The following PROKR1 variants were observed in gnomAD, a reference collection of about 807,000 sequenced individuals.
The protein encoded by PROKR1 is G protein-coupled receptor 73.
A neutral mutation model predicts 22.8 loss-of-function variants in PROKR1; 21 were observed. That is an observed-to-expected ratio of 0.92 (90% CI 0.65 to 1.32). The LOEUF (loss-of-function observed/expected upper bound fraction) is 1.32, where lower values mean the gene tolerates loss of function less well. Among genes scored for constraint, PROKR1 ranks in the 40% most tolerant of loss-of-function variants. PROKR1 has a pLI of 0.00. For synonymous variants in PROKR1, 193 were observed against 207.5 expected (o/e 0.93, Z 0.60); for missense variants, 548 against 514.2 (o/e 1.07, Z -0.64).
chr2:68,651,114 C>T (rs183793709), intron 2 of PROKR1, among the ~76,000 whole-genome samples: 1 of 152,224 alleles, frequency 6.6e-6, no homozygotes, highest in Admixed American at 6.5e-5. Flanking sequence ...GTAATCCTTG[C>T]ACTTTGGGAG....
intron 2 of PROKR1, among the ~76,000 whole-genome samples, chr2:68,650,623 G>T (rs565586001): frequency 1.3e-5 from 2 of 152,226 alleles, no homozygotes; most frequent in African/African-American, 4.8e-5. Flanking sequence ...AATTCACAGA[G>T]AGTAAAAGGT....
At chr2:68,653,220 T>C (rs1396901572) in intron 2 of PROKR1, among the ~76,000 whole-genome samples, 4 of 152,164 alleles carry the variant, frequency 2.6e-5, no homozygotes, top group Non-Finnish European at 5.9e-5. Context: ...TTCCCTTTTT[T>C]CCCTCTGGCA....
intron 2 of PROKR1, among the ~76,000 whole-genome samples, chr2:68,647,971 C>T (rs1455744349): frequency 2.0e-5 from 3 of 152,142 alleles, no homozygotes; most frequent in African/African-American, 7.2e-5. Flanking sequence ...TTCAAAGCTG[C>T]CAAGGAAGAG....
Position 68,654,973 on chromosome 2 carries a change from C to G in PROKR1, c.579C>G (p.Ile193Met). ...IALVWTVSIL[I>M]AIPSAYFTTE... is the part of the protein sequence containing the mutation. Reference sequence around the variant, plus strand: ...TGGTGTGGACGGTGTCCATCCTGATCGCCATCCCTTCCGCCTACTTCACCA... The same window carrying G: ...TGGTGTGGACGGTGTCCATCCTGATGGCCATCCCTTCCGCCTACTTCACCA... The change falls in exon 3 of 3, where the codon ATC becomes ATG. Residue 193 changes from isoleucine to methionine, a missense_variant. Coordinates refer to ENST00000303786, the MANE Select transcript of PROKR1 (RefSeq NM_138964.4). 6.2e-7 allele frequency: 1 copy of G among 1,613,568 alleles called. No homozygotes were observed. Among genetic ancestry groups the G allele is most frequent in the Non-Finnish European group, 8.5e-7 (1 of 1,179,976 alleles).
At chr2:68,645,226 A>T (rs1215232995) in intron 1 of PROKR1, among the ~76,000 whole-genome samples, 1 of 152,216 alleles carries the variant, frequency 6.6e-6, no homozygotes, top group East Asian at 1.9e-4. Flanking sequence ...GGGAACAGGA[A>T]GTCCAGCAAA....
At position 68,655,567 on chromosome 2, in the gene PROKR1, A is replaced by T. The variant is rs1673437314; in HGVS notation, c.1173A>T (p.Arg391Ser). The T allele has an allele frequency of 6.2e-7, 1 of 1,613,936 alleles. No homozygotes were observed. The highest frequency in any genetic ancestry group is 8.5e-7 in the Non-Finnish European group (1 of 1,179,994). ...MPATEEVDCIRLK is the reference protein window; with the variant it reads ...MPATEEVDCISLK ...CCACCGAAGAGGTGGACTGCATCAG[A>T]CTAAAATAACCCCCTGGACTTTGCA... The change falls in exon 3 of 3, where the codon AGA becomes AGT. Residue 391 changes from arginine (R) to serine (S), a missense_variant. By Grantham distance (110) the Arg-to-Ser change is moderately radical. Transcript: ENST00000303786.
intron 2 of PROKR1, 151 bp from the exon 3 acceptor site, chr2:68,654,729 T>G: frequency 1.4e-6 from 1 of 739,014 alleles, no homozygotes; most frequent in Admixed American, 2.3e-5. Context: ...GCCTAGGAGT[T>G]CGAGGCTGCA....
chr2:68,656,824 G>A lies in PROKR1; in HGVS notation c.*1248G>A, dbSNP rs6711902. On this transcript the variant is annotated 3_prime_UTR_variant, in exon 3 of 3. Transcript: ENST00000303786. ...TCCTCTTAGGAGGGATAAGCCACAC[G>A]TTTCTAGTCCTCAGCGTGAATGAAG... 0.37 allele frequency: 56,715 copies of A among 152,018 alleles called. 11,814 individuals are homozygous for A. The highest frequency in any genetic ancestry group is 0.57 in the African/African-American group (23,591 of 41,444). 9.4% of individuals were successfully genotyped at this position (152,018 alleles called of 1,614,324 possible).
At position 68,656,643 on chromosome 2, in the gene PROKR1, A is replaced by G. The variant is rs530655339; in HGVS notation, c.*1067A>G. The stretch of plus-strand genomic sequence containing the variant: ...TTTTTCTGTTTTCACCAGCTCTCAA[A>G]TGTGAGTGATGAAGAGTTCCCTCCT... On this transcript the variant is annotated 3_prime_UTR_variant, in exon 3 of 3. Coordinates refer to ENST00000303786, the MANE Select transcript of PROKR1 (RefSeq NM_138964.4). The G allele has an allele frequency of 3.9e-5, 6 of 152,264 alleles. 1 individual carries two copies. The South Asian group carries it at 1.2e-3, about 32-fold the overall frequency. The allele number at this position is 152,264 out of a possible 1,614,324, so 9.4% of individuals were successfully genotyped here.
intron 2 of PROKR1, among the ~76,000 whole-genome samples, chr2:68,653,892 G>GA (rs1037107010): frequency 1.3e-4 from 19 of 150,270 alleles, no homozygotes; most frequent in East Asian, 3.9e-4. Context: ...TTTGCGGTTA[G>GA]AAAAAAAAAT....
At chr2:68,650,651 A>G (rs1003052392) in intron 2 of PROKR1, among the ~76,000 whole-genome samples, 4 of 152,188 alleles carry the variant, frequency 2.6e-5, no homozygotes, top group African/African-American at 4.8e-5. Flanking sequence ...GAAGTAAGAC[A>G]TAATCACAGC....
At chr2:68,649,998 T>C (rs1357316521) in intron 2 of PROKR1, among the ~76,000 whole-genome samples, 2 of 140,750 alleles carry the variant, frequency 1.4e-5, no homozygotes, top group African/African-American at 2.7e-5. Flanking sequence ...TTCTCACTCA[T>C]AGGTGGGAAT....
chr2:68,648,519 A>AC (rs1673238583), intron 2 of PROKR1, among the ~76,000 whole-genome samples: 2 of 152,148 alleles, frequency 1.3e-5, no homozygotes, highest in Non-Finnish European at 2.9e-5. Flanking sequence ...CAAGGAAAGC[A>AC]CCATGTGCCT....
rs1446556404 is a variant in PROKR1, at chr2:68,655,494, G to A, written c.1100G>A (p.Gly367Asp). Residue 367 changes from glycine to aspartate, a missense_variant, in exon 3 of 3, where the codon GGC becomes GAC. Transcript: ENST00000303786. The part of the protein sequence containing the change: ...MLLHWKASYN[G>D]GKSSADLDLK... The stretch of plus-strand genomic sequence containing the variant: ...CTCCACTGGAAGGCTTCTTACAATG[G>A]CGGTAAGTCCAGTGCAGACCTGGAC... 1 of 1,614,102 alleles carries A rather than the reference G, an allele frequency of 6.2e-7. No homozygotes were observed. The highest frequency in any genetic ancestry group is 8.5e-7 in the Non-Finnish European group (1 of 1,180,052).
chr2:68,656,249 G>A lies in PROKR1; in HGVS notation c.*673G>A, dbSNP rs1347034201. The A allele has an allele frequency of 1.3e-5, 2 of 155,726 alleles. No individual in the cohort carries two copies. The highest frequency in any genetic ancestry group is 1.9e-4 in the East Asian group (1 of 5,254). 9.6% of individuals were successfully genotyped at this position (155,726 alleles called of 1,614,324 possible). ...TGGCGAAGAAGACACATAGACCCTG[G>A]ATGCCATTTGGACAGGGAATTATGG... On this transcript the variant is annotated 3_prime_UTR_variant, in exon 3 of 3. Coordinates refer to ENST00000303786, the MANE Select transcript of PROKR1 (RefSeq NM_138964.4).
At position 68,646,309 on chromosome 2, in the gene PROKR1, G is replaced by A. The variant is rs1673178776; in HGVS notation, c.485+3G>A. ...CTGCTGGCCATCGCCATTGACAGGTGAGTGCAGCAGCAGTGGGGACAACAA... is the reference window on the plus strand; with the variant it reads ...CTGCTGGCCATCGCCATTGACAGGTAAGTGCAGCAGCAGTGGGGACAACAA... On this transcript the variant is annotated splice_donor_region_variant and intron_variant, in intron 2 of 2. Coordinates refer to ENST00000303786, the MANE Select transcript of PROKR1 (RefSeq NM_138964.4). The A allele has an allele frequency of 1.9e-6, 3 of 1,614,218 alleles. No homozygotes were observed. The highest frequency in any genetic ancestry group is 1.7e-5 in the Admixed American group (1 of 60,034).
In PROKR1 at chr2:68,645,665, T is replaced by C. The variant is rs2104179093; in HGVS notation, c.-157T>C. The stretch of plus-strand genomic sequence containing the variant: ...ACTGTTTGTATGTCTTTCAAAGGTT[T>C]AGAATGGAGCTCAGATACCATACCC... On this transcript the variant is annotated 5_prime_UTR_variant, in exon 2 of 3. The change abolishes the stop of an existing upstream ORF in the 5' untranslated region. Coordinates refer to ENST00000303786, the MANE Select transcript of PROKR1 (RefSeq NM_138964.4). The C allele has an allele frequency of 9.4e-7, 1 of 1,062,254 alleles. No homozygotes were observed. Among genetic ancestry groups the C allele is most frequent in the Non-Finnish European group, 1.4e-6 (1 of 725,606 alleles). The allele number at this position is 1,062,254 out of a possible 1,614,324, so 65.8% of individuals were successfully genotyped here. A position where few individuals can be genotyped will look rare whatever the true frequency, so the allele number is the denominator to read the frequency against.
At chr2:68,654,738 C>A in intron 2 of PROKR1, 142 bp from the exon 3 acceptor site, 1 of 776,074 alleles carries the variant, frequency 1.3e-6, no homozygotes, top group South Asian at 1.6e-5. Context: ...TTCGAGGCTG[C>A]AGTGAGCTAT....
chr2:68,652,988 G>A (rs944372780), intron 2 of PROKR1, among the ~76,000 whole-genome samples: 18 of 152,220 alleles, frequency 1.2e-4, no homozygotes, highest in African/African-American at 4.3e-4. Context: ...TTCTTATAGT[G>A]AATAAATATG....
Sources: allele counts gnomAD v4.1 joint callset (sites outside exome capture counted in the v4.1 genomes callset), GRCh38; gene constraint gnomAD v4.1.1; transcripts MANE v1.5; gene names NCBI Gene and HGNC (gene_info 2026-07-23, HGNC 2026-07-21).